The following GRB10 variants were observed in gnomAD, a reference collection of about 807,000 sequenced individuals.
The protein encoded by GRB10 is growth factor receptor-bound protein 10.
GRB10 carries 20 observed loss-of-function variants against 80.9 expected under a neutral mutation model. The observed-to-expected ratio is 0.25, with a 90% CI of 0.17 to 0.36. The LOEUF (loss-of-function observed/expected upper bound fraction) is 0.36. Among genes scored for constraint, GRB10 ranks in the 10% least tolerant of loss-of-function variants. GRB10 has a pLI of 1.00. For missense variants in GRB10, 548 were observed against 747.7 expected (o/e 0.73, Z 3.12); for synonymous variants, 291 against 291.5 (o/e 1.00, Z 0.02).
intron 4 of GRB10, among the ~76,000 whole-genome samples, chr7:50,706,115 T>C (rs1351836320): frequency 1.3e-5 from 2 of 152,242 alleles, no homozygotes; most frequent in South Asian, 4.1e-4. Flanking sequence ...CTAGAGTAGA[T>C]AGAAAATTAG....
rs568445477 is a variant in GRB10 at position 50,716,665 on chromosome 7, G to A, written c.52-12757C>T. On this transcript the variant is annotated intron_variant, in intron 4 of 18. Coordinates refer to ENST00000401949, the MANE Select transcript of GRB10 (RefSeq NM_001350814.2). Reference sequence around the variant, plus strand: ...AAATCCAACCCTACAGATGAAAAATGCAACACAGGAGATGAAAAATATGTG... The same window carrying A: ...AAATCCAACCCTACAGATGAAAAATACAACACAGGAGATGAAAAATATGTG... Among the ~76,000 whole-genome samples, 3 of 152,300 alleles carry A rather than the reference G, an allele frequency of 2.0e-5. No homozygotes were observed. In the South Asian group the frequency reaches 6.2e-4, roughly 32 times the overall value.
upstream of GRB10, among the ~76,000 whole-genome samples, chr7:50,784,716 C>A (rs981309613): frequency 4.6e-5 from 7 of 152,314 alleles, no homozygotes; most frequent in African/African-American, 1.7e-4. Flanking sequence ...AGAACAGAAT[C>A]TTTGAAAAGG....
chr7:50,603,143 C>T (rs1163848021), intron 17 of GRB10, among the ~76,000 whole-genome samples: 3 of 152,176 alleles, frequency 2.0e-5, no homozygotes, highest in East Asian at 1.9e-4. Context: ...ATTCAGACCC[C>T]GTATGGGACA....
chr7:50,614,420 C>G (rs1454492554), intron 12 of GRB10, among the ~76,000 whole-genome samples: 1 of 152,304 alleles, frequency 6.6e-6, no homozygotes, highest in South Asian at 2.1e-4. Flanking sequence ...GCAGGCAACC[C>G]AGGTGACAGG....
chr7:50,750,817 C>T (rs945820605), intron 3 of GRB10, among the ~76,000 whole-genome samples: 5 of 152,216 alleles, frequency 3.3e-5, no homozygotes, highest in Non-Finnish European at 2.9e-5. Context: ...TAAGTCTCAG[C>T]ATCAAGCCTG....
At chr7:50,643,065 G>A (rs781719763) in intron 7 of GRB10, among the ~76,000 whole-genome samples, 6 of 152,012 alleles carry the variant, frequency 3.9e-5, no homozygotes, top group South Asian at 2.1e-4. Context: ...TGAACCATTC[G>A]GGTCCAGTAA....
At chr7:50,759,694 G>A (rs367670308) in intron 2 of GRB10, among the ~76,000 whole-genome samples, 16 of 152,244 alleles carry the variant, frequency 1.1e-4, no homozygotes, top group East Asian at 9.7e-4. Flanking sequence ...ACCCACAGAC[G>A]CACAAGCTGT....
At chr7:50,593,225 G>T in intron 18 of GRB10, 127 bp from the exon 19 acceptor site, 1 of 1,104,418 alleles carries the variant, frequency 9.1e-7, no homozygotes, top group Non-Finnish European at 1.4e-6. Flanking sequence ...GGGCAAGGTA[G>T]GCTAGAAAAC....
intron 11 of GRB10, among the ~76,000 whole-genome samples, chr7:50,615,126 C>A (rs1011347932): frequency 6.6e-6 from 1 of 152,176 alleles, no homozygotes; most frequent in Non-Finnish European, 1.5e-5. Context: ...GTATTTGATA[C>A]TTCTGGCAAA....
At chr7:50,750,686 T>A (rs1483650067) in intron 3 of GRB10, among the ~76,000 whole-genome samples, 2 of 152,204 alleles carry the variant, frequency 1.3e-5, no homozygotes, top group East Asian at 3.9e-4. Flanking sequence ...AACAGCCTGT[T>A]GTCAATACCA....
intron 3 of GRB10, among the ~76,000 whole-genome samples, chr7:50,748,728 C>G (rs1206537318): frequency 6.6e-6 from 1 of 152,168 alleles, no homozygotes; most frequent in African/African-American, 2.4e-5. Flanking sequence ...CCTTTGGACC[C>G]CATAGTGCTC....
intron 6 of GRB10, among the ~76,000 whole-genome samples, chr7:50,674,213 A>G (rs541013443): frequency 3.3e-5 from 5 of 152,348 alleles, no homozygotes; most frequent in African/African-American, 1.2e-4. Context: ...CAGGCACTCA[A>G]TAAAAGGTAC....
At chr7:50,672,712 C>T (rs2060492961) in intron 6 of GRB10, among the ~76,000 whole-genome samples, 1 of 152,196 alleles carries the variant, frequency 6.6e-6, no homozygotes, top group Non-Finnish European at 1.5e-5. Context: ...AGCAGGGAGG[C>T]AGGCCTTCTG....
chr7:50,684,871 C>T (rs567196072), intron 5 of GRB10, among the ~76,000 whole-genome samples: 2 of 152,244 alleles, frequency 1.3e-5, no homozygotes, highest in East Asian at 3.9e-4. Context: ...TCACAAGTCA[C>T]GGAGAAGCAG....
upstream of GRB10, among the ~76,000 whole-genome samples, chr7:50,784,095 G>T (rs1274640072): frequency 6.6e-6 from 1 of 152,208 alleles, no homozygotes; most frequent in Non-Finnish European, 1.5e-5. Context: ...CACAGTCCGG[G>T]CTGACCACAT....
chr7:50,756,854 T>C (rs76629493), intron 2 of GRB10, among the ~76,000 whole-genome samples: 2,710 of 152,268 alleles, frequency 0.018, 88 homozygotes, highest in African/African-American at 0.061. Context: ...GATTCCAACA[T>C]GTTTAAATGA....
intron 1 of GRB10, chr7:50,792,936 C>A (rs1390078335): frequency 1.4e-5 from 2 of 147,570 alleles, no homozygotes; most frequent in African/African-American, 4.9e-5. Context: ...GTCGGGAACG[C>A]AGCGCGGAGA....
chr7:50,596,957 A>C (rs1017746719), intron 17 of GRB10, among the ~76,000 whole-genome samples: 3 of 152,352 alleles, frequency 2.0e-5, no homozygotes, highest in African/African-American at 4.8e-5. Flanking sequence ...GATCCAATGA[A>C]AGCTACAAAG....
In GRB10 at chr7:50,640,527, A is replaced by C. The variant is rs147116563; in HGVS notation, c.505-13549T>G. On this transcript the variant is annotated intron_variant, in intron 7 of 18. Coordinates refer to ENST00000401949, the MANE Select transcript of GRB10 (RefSeq NM_001350814.2). ...TTAGAAGGTGCTGAACTTCAAGAGG[A>C]TGTTGTAACCCACGACTGTATTTTA... Among the ~76,000 whole-genome samples, 1,249 of 152,314 alleles carry C rather than the reference A, an allele frequency of 8.2e-3. 16 individuals are homozygous for C. Among genetic ancestry groups the C allele is most frequent in the African/African-American group, 0.029 (1,192 of 41,570 alleles).
Sources: allele counts gnomAD v4.1 joint callset (sites outside exome capture counted in the v4.1 genomes callset), GRCh38; gene constraint gnomAD v4.1.1; transcripts MANE v1.5; gene names NCBI Gene and HGNC (gene_info 2026-07-23, HGNC 2026-07-21).